Variants in RNF38 observed in about 807,000 individuals in gnomAD.
RNF38 encodes the protein E3 ubiquitin-protein ligase RNF38.
A neutral mutation model predicts 67.2 loss-of-function variants in RNF38; 15 were observed. That is an observed-to-expected ratio of 0.22 (90% CI 0.15 to 0.34). The LOEUF (loss-of-function observed/expected upper bound fraction) is 0.34, where lower values mean the gene tolerates loss of function less well. Among genes scored for constraint, RNF38 ranks in the 10% least tolerant of loss-of-function variants. The pLI is 1.00. For missense variants in RNF38, 524 were observed against 639.9 expected (o/e 0.82, Z 1.95); for synonymous variants, 220 against 218.8 (o/e 1.01, Z -0.05).
At chr9:36,449,841 T>A (rs1004625639) in intron 1 of RNF38, among the ~76,000 whole-genome samples, 2 of 152,212 alleles carry the variant, frequency 1.3e-5, no homozygotes, top group African/African-American at 4.8e-5. Flanking sequence ...TGTGGACTTC[T>A]CACTCAGGAG....
intron 9 of RNF38, among the ~76,000 whole-genome samples, chr9:36,348,621 C>A (rs1306058446): frequency 3.9e-5 from 6 of 152,194 alleles, no homozygotes; most frequent in African/African-American, 1.4e-4. Flanking sequence ...TTCTCTTTAG[C>A]CAAAACCTAA....
intron 4 of RNF38, among the ~76,000 whole-genome samples, chr9:36,360,382 C>A (rs1834441073): frequency 6.6e-6 from 1 of 152,168 alleles, no homozygotes; most frequent in East Asian, 1.9e-4. Context: ...AACTTAGAAT[C>A]TCCTTTCCTA....
chr9:36,351,689 G>A (rs913559273), intron 8 of RNF38, among the ~76,000 whole-genome samples: 2 of 152,156 alleles, frequency 1.3e-5, no homozygotes, highest in African/African-American at 2.4e-5. Flanking sequence ...GTGTGGTAAC[G>A]TAAGCACGTG....
Position 36,351,105 on chromosome 9 carries a change from A to G in RNF38, c.1263+10T>C. 1 of 1,575,352 alleles carries G rather than the reference A, an allele frequency of 6.3e-7. No individual in the cohort carries two copies. Among genetic ancestry groups the G allele is most frequent in the Non-Finnish European group, 8.7e-7 (1 of 1,145,950 alleles). ...TATTCCCCAAATTAATTCACAATTCATCTACTAACCTCGTAATTTTCTACT... is the reference window on the plus strand; with the variant it reads ...TATTCCCCAAATTAATTCACAATTCGTCTACTAACCTCGTAATTTTCTACT... On this transcript the variant is annotated intron_variant, in intron 9 of 11. Transcript: ENST00000259605.
intron 2 of RNF38, among the ~76,000 whole-genome samples, chr9:36,380,305 T>C (rs1836117241): frequency 6.6e-6 from 1 of 152,174 alleles, no homozygotes; most frequent in Non-Finnish European, 1.5e-5. Context: ...GTTCAAGCGA[T>C]TCTCCTGCTT....
chr9:36,402,058 G>A (rs750675661), upstream of RNF38, among the ~76,000 whole-genome samples: 10 of 152,186 alleles, frequency 6.6e-5, no homozygotes, highest in Non-Finnish European at 1.3e-4. Context: ...ATATCAGACT[G>A]AGCACCCAGA....
Position 36,351,118 on chromosome 9 carries a change from G to T in RNF38, c.1260C>A (p.Tyr420Ter). The T allele has an allele frequency of 6.2e-7, 1 of 1,603,554 alleles. No individual in the cohort carries two copies. Among genetic ancestry groups the T allele is most frequent in the Non-Finnish European group, 8.5e-7 (1 of 1,171,258 alleles). Residue 420 changes from tyrosine (Y) to a stop codon, truncating the protein, a stop_gained, in exon 9 of 12, where the codon TAC becomes TAA. Transcript: ENST00000259605. LOFTEE classifies it high-confidence loss of function. ...AATTCACAATTCATCTACTAACCTC[G>T]TAATTTTCTACTTCTCCATCTTCTA... ...LDVEDGEVEN[Y>*]EALLNLAERL...
chr9:36,360,880 G>A (rs546567607), intron 4 of RNF38, among the ~76,000 whole-genome samples: 1 of 151,880 alleles, frequency 6.6e-6, no homozygotes, highest in African/African-American at 2.4e-5. Context: ...GTGCCATCAC[G>A]GCTCACCATA....
intron 1 of RNF38, among the ~76,000 whole-genome samples, chr9:36,468,191 A>G (rs1839909969): frequency 6.6e-6 from 1 of 151,024 alleles, no homozygotes; most frequent in African/African-American, 2.4e-5. Flanking sequence ...GCAGTGGGCC[A>G]TGATCGCACC....
chr9:36,360,778 T>C (rs1834465143), intron 4 of RNF38, among the ~76,000 whole-genome samples: 2 of 152,174 alleles, frequency 1.3e-5, no homozygotes, highest in African/African-American at 4.8e-5. Flanking sequence ...AAACAGCCTT[T>C]GTCACAAATA....
chr9:36,387,952 G>A (rs1206191531), intron 2 of RNF38, among the ~76,000 whole-genome samples: 1 of 151,984 alleles, frequency 6.6e-6, no homozygotes, highest in Non-Finnish European at 1.5e-5. Flanking sequence ...CTGCAGTATA[G>A]TCATATAATA....
chr9:36,390,538 G>C lies in RNF38; in HGVS notation c.91C>G (p.Leu31Val). 2 of 1,614,048 alleles carry C rather than the reference G, an allele frequency of 1.2e-6. No individual in the cohort carries two copies. Among genetic ancestry groups the C allele is most frequent in the Non-Finnish European group, 1.7e-6 (2 of 1,179,936 alleles). Residue 31 changes from leucine to valine, a missense_variant, in exon 2 of 12, where the codon CTG becomes GTG. Transcript: ENST00000259605. ...TGATCACTTGGGAGGAGAGGGAACA[G>C]GCTCTGAAGTCTCACCCTTTCACAA... ...VICERVRLQS[L>V]FPLLPSDQNT...
chr9:36,438,528 C>T (rs1266958883), intron 1 of RNF38, among the ~76,000 whole-genome samples: 5 of 151,788 alleles, frequency 3.3e-5, no homozygotes, highest in Non-Finnish European at 2.9e-5. Context: ...ATTGGACAAC[C>T]CTGTTCTAAA....
intron 2 of RNF38, among the ~76,000 whole-genome samples, chr9:36,421,399 C>A (rs373386215): frequency 6.2e-4 from 95 of 152,204 alleles, no homozygotes; most frequent in African/African-American, 2.1e-3. Flanking sequence ...CATGGTGGCT[C>A]ACGCCTGTAA....
intron 1 of RNF38, among the ~76,000 whole-genome samples, chr9:36,442,813 C>T (rs1839221979): frequency 3.3e-5 from 5 of 152,200 alleles, no homozygotes. Flanking sequence ...GAGCAATTCG[C>T]TCACCCAATA....
chr9:36,374,603 T>TCTCAGC (rs1835650650), intron 3 of RNF38, among the ~76,000 whole-genome samples: 2 of 152,004 alleles, frequency 1.3e-5, no homozygotes, highest in Admixed American at 1.3e-4. Context: ...GATTCGCCCG[T>TCTCAGC]CTCAGCCTCC....
chr9:36,368,098 C>T (rs1048765219), intron 4 of RNF38, among the ~76,000 whole-genome samples: 1 of 152,186 alleles, frequency 6.6e-6, no homozygotes, highest in African/African-American at 2.4e-5. Context: ...AGGTGATCCG[C>T]CTGCTTCAGA....
chr9:36,447,919 G>A (rs757390949), intron 1 of RNF38, among the ~76,000 whole-genome samples: 2 of 152,176 alleles, frequency 1.3e-5, no homozygotes, highest in Non-Finnish European at 2.9e-5. Flanking sequence ...TACTCTCATA[G>A]GCAACCAAGA....
chr9:36,442,979 C>A (rs940135806), intron 1 of RNF38, among the ~76,000 whole-genome samples: 2 of 152,262 alleles, frequency 1.3e-5, no homozygotes, highest in Middle Eastern at 6.8e-3. Context: ...CTCCTCTGGG[C>A]GCAAAGAGAA....
Sources: gnomAD v4.1 joint callset for allele counts (sites outside exome capture counted in the v4.1 genomes callset) on GRCh38, gnomAD v4.1.1 for gene constraint, MANE v1.5 for transcripts, NCBI Gene and HGNC (gene_info 2026-07-23, HGNC 2026-07-21) for gene names.